Variants in TNS1 observed in about 807,000 individuals in gnomAD.
TNS1 encodes tensin-1.
A neutral mutation model predicts 168.6 loss-of-function variants in TNS1; 62 were observed. That is an observed-to-expected ratio of 0.37 (90% confidence interval 0.30 to 0.45). The LOEUF is 0.45. Among genes scored for constraint, TNS1 ranks in the 20% least tolerant of loss-of-function variants. The pLI is 1.00. For synonymous variants in TNS1, 934 were observed against 933.2 expected (o/e 1.00, Z -0.02); for missense variants, 2,240 against 2,339.4 (o/e 0.96, Z 0.88).
At chr2:217,895,970 G>T (rs1187690635) in intron 8 of TNS1, among the ~76,000 whole-genome samples, 1 of 152,242 alleles carries the variant, frequency 6.6e-6, no homozygotes, top group Non-Finnish European at 1.5e-5. Flanking sequence ...ATCCACTCTT[G>T]CACTCTGTAA....
At chr2:217,849,239 A>T (rs1217380887) in intron 18 of TNS1, 152 bp from the exon 19 acceptor site, 13 of 960,040 alleles carry the variant, frequency 1.4e-5, no homozygotes, top group South Asian at 1.7e-5. Context: ...GGAAAAGGGG[A>T]GCTGACAGAA....
At position 217,907,285 on chromosome 2, in the gene TNS1, AG is replaced by A. The variant is rs1407391958; in HGVS notation, c.229-35del. 4.3e-6 allele frequency: 3 copies of A among 702,768 alleles called. No homozygotes were observed. The Admixed American group carries it at 6.0e-5, about 14-fold the overall frequency. The allele number at this position is 702,768 out of a possible 1,614,324, so 43.5% of individuals were successfully genotyped here. The stretch of plus-strand genomic sequence containing the variant: ...AGAAGGAGAAACAGCATGAGCCCTT[AG>A]GGCAGACATCCCAGGGATGGGCTCT... On this transcript the variant is annotated intron_variant, in intron 4 of 32. Transcript: ENST00000682258.
chr2:217,862,010 T>C (rs116698560), intron 18 of TNS1, among the ~76,000 whole-genome samples: 4,204 of 152,324 alleles, frequency 0.028, 194 homozygotes, highest in African/African-American at 0.096. Context: ...TGGTGCAGAC[T>C]ACAAGGATGT....
intron 3 of TNS1, among the ~76,000 whole-genome samples, chr2:217,941,500 G>A (rs1006045460): frequency 2.6e-5 from 4 of 152,238 alleles, no homozygotes; most frequent in South Asian, 2.1e-4. Flanking sequence ...AGGGCAGAGC[G>A]TCGGGCTCTT....
intron 1 of TNS1, among the ~76,000 whole-genome samples, chr2:218,015,702 A>G (rs1474969921): frequency 2.6e-5 from 4 of 151,928 alleles, no homozygotes; most frequent in African/African-American, 4.8e-5. Context: ...GCCCCTTTCC[A>G]AATGACTTCC....
At position 217,849,606 on chromosome 2, in the gene TNS1, C is replaced by T. The variant is rs907292604; in HGVS notation, c.1430-519G>A. On this transcript the variant is annotated intron_variant, in intron 18 of 32. Coordinates refer to ENST00000682258, the MANE Select transcript of TNS1 (RefSeq NM_001387777.1). Reference sequence around the variant, plus strand: ...CCCTAACCATCACCATTATGAGTATCATTAATTCCTGAATGACCATTTCCA... The same window carrying T: ...CCCTAACCATCACCATTATGAGTATTATTAATTCCTGAATGACCATTTCCA... The T allele has an allele frequency of 1.3e-5, 13 of 972,312 alleles. No homozygotes were observed. In the African/African-American group the frequency reaches 2.1e-4, roughly 16 times the overall value. The allele number at this position is 972,312 out of a possible 1,614,324, so 60.2% of individuals were successfully genotyped here. A position where few individuals can be genotyped will look rare whatever the true frequency, so the allele number is the denominator to read the frequency against.
chr2:217,824,928 C>A (rs149706869), intron 22 of TNS1, among the ~76,000 whole-genome samples: 7 of 152,302 alleles, frequency 4.6e-5, no homozygotes, highest in African/African-American at 1.7e-4. Context: ...AGCCCTCACA[C>A]AGCACCTGGC....
At chr2:218,005,633 G>A (rs564387776), upstream of TNS1, among the ~76,000 whole-genome samples, 2 of 152,338 alleles carry the variant, frequency 1.3e-5, no homozygotes, top group Non-Finnish European at 2.9e-5. Flanking sequence ...CCCACACACG[G>A]GCAAGGACGT....
At chr2:217,806,759 G>A (rs1342475825) in intron 32 of TNS1, among the ~76,000 whole-genome samples, 1 of 152,188 alleles carries the variant, frequency 6.6e-6, no homozygotes, top group Non-Finnish European at 1.5e-5. Context: ...TCGGACTGAG[G>A]CATTCTCACT....
At chr2:217,890,654 G>A (rs1951651738) in intron 12 of TNS1, 2 of 432,524 alleles carry the variant, frequency 4.6e-6, no homozygotes, top group Admixed American at 7.3e-5. Context: ...GCCAAGAACA[G>A]CACATGCCTT....
At chr2:217,906,270 C>G in intron 6 of TNS1, 65 bp downstream of exon 6, 1 of 636,214 alleles carries the variant, frequency 1.6e-6, no homozygotes. Context: ...CCACCTCCCA[C>G]CCCACCCCAT....
intron 1 of TNS1, among the ~76,000 whole-genome samples, chr2:218,031,152 T>A (rs1430259402): frequency 8.4e-6 from 1 of 119,286 alleles, no homozygotes; most frequent in African/African-American, 4.5e-5. Context: ...ATGTGTTGTG[T>A]GAGCATGTCT....
chr2:217,995,973 G>A lies in TNS1; in HGVS notation c.34-4917C>T, dbSNP rs1218369379. ...CATGCAGCCCAGCTTTCCTGCCCGG[G>A]CCGCTCAGCCAGAGGGGTGTGGCAC... On this transcript the variant is annotated intron_variant, in intron 1 of 32. Transcript: ENST00000682258. This position sits in a 1 kb window ranked among gnomAD's most constrained non-coding sequence, Gnocchi z 4.1. 6.6e-6 allele frequency among the ~76,000 whole-genome samples: 1 copy of A among 152,198 alleles called. No individual in the cohort carries two copies. The highest frequency in any genetic ancestry group is 6.5e-5 in the Admixed American group (1 of 15,286).
intron 3 of TNS1, among the ~76,000 whole-genome samples, chr2:217,927,147 C>T (rs1032575438): frequency 1.4e-4 from 21 of 152,122 alleles, no homozygotes; most frequent in African/African-American, 4.6e-4. Context: ...AGCCTGATGC[C>T]CACTTGGTGA....
At chr2:218,027,055 C>G (rs957644333) in intron 1 of TNS1, among the ~76,000 whole-genome samples, 1 of 152,124 alleles carries the variant, frequency 6.6e-6, no homozygotes, top group Admixed American at 6.5e-5. Flanking sequence ...TGGGGGCCCA[C>G]GAAGGGAGGA....
intron 3 of TNS1, among the ~76,000 whole-genome samples, chr2:217,959,033 G>A (rs559679063): frequency 6.6e-6 from 1 of 152,282 alleles, no homozygotes; most frequent in African/African-American, 2.4e-5. Context: ...CTGTGTCCTG[G>A]GATGAGACAG....
At position 217,813,876 on chromosome 2, in the gene TNS1, C is replaced by T. The variant is rs1559151170; in HGVS notation, c.4730-60G>A. 6.6e-7 allele frequency: 1 copy of T among 1,507,006 alleles called. No homozygotes were observed. The highest frequency in any genetic ancestry group is 8.9e-7 in the Non-Finnish European group (1 of 1,128,070). The allele number at this position is 1,507,006 out of a possible 1,614,324, so 93.4% of individuals were successfully genotyped here. On this transcript the variant is annotated intron_variant, in intron 25 of 32. Transcript: ENST00000682258. This position sits in a 1 kb window ranked among gnomAD's most constrained non-coding sequence, Gnocchi z 4.0. ...CAAGACCTCGGTGGCGCTAGTTTTA[C>T]TTAAGTCTCATTGAGCCTACCGACC...
At chr2:217,900,303 C>A (rs1176698025) in intron 7 of TNS1, among the ~76,000 whole-genome samples, 160 bp downstream of exon 7, 1 of 152,240 alleles carries the variant, frequency 6.6e-6, no homozygotes, top group East Asian at 1.9e-4. Context: ...CCAACGGCAT[C>A]CGCACGCATC....
intron 1 of TNS1, among the ~76,000 whole-genome samples, chr2:218,021,198 C>T (rs1277342079): frequency 6.6e-6 from 1 of 152,178 alleles, no homozygotes; most frequent in Non-Finnish European, 1.5e-5. Context: ...CTCAGGACCT[C>T]CTGATGGAGA....
Sources: allele counts gnomAD v4.1 joint callset (sites outside exome capture counted in the v4.1 genomes callset), GRCh38; gene constraint gnomAD v4.1.1; non-coding constraint Gnocchi (gnomAD v3.1); transcripts MANE v1.5; gene names NCBI Gene and HGNC (gene_info 2026-07-23, HGNC 2026-07-21).